Variants in ERBB4 observed in about 807,000 individuals in gnomAD.
The protein encoded by ERBB4 is erb-b2 receptor tyrosine kinase 4.
Under a neutral mutation model 158.0 loss-of-function variants are expected in ERBB4, and 42 were observed. The observed-to-expected ratio is 0.27, with a 90% CI of 0.21 to 0.34. The LOEUF (loss-of-function observed/expected upper bound fraction) is 0.34, where lower values mean the gene tolerates loss of function less well. ERBB4 is among the 10% of genes least tolerant of loss of function. The probability of loss-of-function intolerance (pLI) is 1.00; values close to 1 mark genes in which losing one functional copy is unlikely to be tolerated. For synonymous variants in ERBB4, 583 were observed against 558.7 expected, an observed-to-expected ratio of 1.04 and a Z score of -0.61; for missense variants, 1,333 against 1,624.1, an observed-to-expected ratio of 0.82 and a Z score of 3.08.
intron 9 of ERBB4, among the ~76,000 whole-genome samples, chr2:211,709,274 T>TATATATACATATATATATATACAC (rs1553615210): frequency 7.3e-6 from 1 of 136,556 alleles, no homozygotes; most frequent in African/African-American, 2.9e-5. Flanking sequence ...TATATATATA[T>TATATATACATATATATATATACAC]ACATACATAT....
intron 1 of ERBB4, among the ~76,000 whole-genome samples, chr2:212,281,860 A>C (rs2085770462): frequency 6.6e-6 from 1 of 151,834 alleles, no homozygotes; most frequent in Non-Finnish European, 1.5e-5. Context: ...TAATTTATGC[A>C]ACTCTGCTTC....
At chr2:212,457,523 C>T (rs986834371) in intron 1 of ERBB4, among the ~76,000 whole-genome samples, 2 of 152,048 alleles carry the variant, frequency 1.3e-5, no homozygotes, top group Admixed American at 6.6e-5. Flanking sequence ...ATGTTAATTG[C>T]TTTCTTGCTG....
At chr2:211,975,868 A>G (rs779503637) in intron 2 of ERBB4, among the ~76,000 whole-genome samples, 8 of 152,198 alleles carry the variant, frequency 5.3e-5, no homozygotes, top group Admixed American at 2.0e-4. Context: ...CAACCAAAAC[A>G]TTCCCTCAAG....
At position 212,373,659 on chromosome 2, in the gene ERBB4, T is replaced by C. The variant is rs536132286; in HGVS notation, c.82+164790A>G. 5.9e-4 allele frequency among the ~76,000 whole-genome samples: 88 copies of C among 149,480 alleles called. 1 individual carries two copies. The highest frequency in any genetic ancestry group is 1.0e-3 in the Non-Finnish European group (70 of 67,164). ...AGTTATAGTTCTATTTTATATGATA[T>C]GGTTGAAAGGTAATAAAACCAATGG... is the stretch of plus-strand genomic sequence containing the variant. On this transcript the variant is annotated intron_variant, in intron 1 of 27. Coordinates refer to ENST00000342788, the MANE Select transcript of ERBB4 (RefSeq NM_005235.3).
intron 1 of ERBB4, among the ~76,000 whole-genome samples, chr2:212,142,394 G>A (rs967239143): frequency 2.6e-5 from 4 of 151,706 alleles, no homozygotes; most frequent in Non-Finnish European, 5.9e-5. Context: ...ATGAATGACT[G>A]TTGATATTTT....
chr2:211,815,133 A>G (rs1240946440), intron 3 of ERBB4, among the ~76,000 whole-genome samples: 3 of 152,256 alleles, frequency 2.0e-5, no homozygotes, highest in Admixed American at 6.5e-5. Context: ...AAAGGAAAAA[A>G]TCAAGGTTGA....
At chr2:212,289,862 T>G (rs574616036) in intron 1 of ERBB4, among the ~76,000 whole-genome samples, 1 of 152,326 alleles carries the variant, frequency 6.6e-6, no homozygotes, top group African/African-American at 2.4e-5. Flanking sequence ...GAAATCTGTC[T>G]TGAATGTCAT....
intron 3 of ERBB4, among the ~76,000 whole-genome samples, chr2:211,819,550 T>C (rs774889789): frequency 1.3e-3 from 205 of 152,100 alleles, no homozygotes; most frequent in Non-Finnish European, 2.5e-3. Flanking sequence ...CTATTAGGAG[T>C]ATTTCTGCAT....
chr2:212,396,037 T>C (rs1220368404), intron 1 of ERBB4, among the ~76,000 whole-genome samples: 2 of 152,192 alleles, frequency 1.3e-5, no homozygotes, highest in Non-Finnish European at 2.9e-5. Context: ...CTGATGGTTT[T>C]ATGTGCTTTA....
intron 1 of ERBB4, among the ~76,000 whole-genome samples, chr2:212,339,956 A>G (rs2088624885): frequency 6.6e-6 from 1 of 152,132 alleles, no homozygotes; most frequent in African/African-American, 2.4e-5. Context: ...ACAAACAATG[A>G]TGATGCTGTC....
intron 3 of ERBB4, among the ~76,000 whole-genome samples, chr2:211,911,837 A>C (rs1331356585): frequency 3.6e-5 from 5 of 140,292 alleles, no homozygotes; most frequent in Non-Finnish European, 7.6e-5. Context: ...TTTTTTTTTG[A>C]GTTCTGTTGC....
intron 1 of ERBB4, among the ~76,000 whole-genome samples, chr2:212,229,925 T>C (rs1277358610): frequency 6.6e-6 from 1 of 152,120 alleles, no homozygotes; most frequent in Non-Finnish European, 1.5e-5. Flanking sequence ...AGAGGAAGAT[T>C]ATGACTGTTG....
chr2:211,647,977 G>C (rs1204347826), intron 16 of ERBB4, among the ~76,000 whole-genome samples: 5 of 151,552 alleles, frequency 3.3e-5, no homozygotes, highest in Non-Finnish European at 7.4e-5. Context: ...ACAAATTATG[G>C]AGTATTCTAA....
At chr2:211,690,326 T>A (rs960904027) in intron 12 of ERBB4, among the ~76,000 whole-genome samples, 7 of 152,120 alleles carry the variant, frequency 4.6e-5, no homozygotes, top group African/African-American at 1.2e-4. Flanking sequence ...TTACCTCTGC[T>A]AAAGGTGACA....
intron 1 of ERBB4, 29 bp downstream of exon 1, chr2:212,538,420 C>T: frequency 6.2e-7 from 1 of 1,607,646 alleles, no homozygotes; most frequent in Non-Finnish European, 8.5e-7. Context: ...GCTGCAGGTT[C>T]GGCGACCGGA....
At chr2:212,281,113 TA>T (rs139494169) in intron 1 of ERBB4, among the ~76,000 whole-genome samples, 2 of 151,830 alleles carry the variant, frequency 1.3e-5, no homozygotes, top group African/African-American at 2.4e-5. Flanking sequence ...TTTTTTTTTC[TA>T]AAAAACATAT....
intron 2 of ERBB4, among the ~76,000 whole-genome samples, chr2:212,019,755 C>T (rs79481053): frequency 0.24 from 12,483 of 51,142 alleles, 1,218 homozygotes; most frequent in African/African-American, 0.39. Context: ...AAGCAACATT[C>T]TGTAAAAAAA....
chr2:211,392,598 A>ACC (rs1162666862), intron 25 of ERBB4, among the ~76,000 whole-genome samples: 4 of 141,882 alleles, frequency 2.8e-5, no homozygotes, highest in Admixed American at 7.2e-5. Flanking sequence ...ACACACACAC[A>ACC]CACCCCAATA....
intron 1 of ERBB4, among the ~76,000 whole-genome samples, chr2:212,137,091 C>T (rs75844449): frequency 0.04 from 6,122 of 152,214 alleles, 184 homozygotes; most frequent in Middle Eastern, 0.099. Flanking sequence ...GTGGGTTGGT[C>T]TCTCTAAAAC....
Sources: allele counts gnomAD v4.1 joint callset (sites outside exome capture counted in the v4.1 genomes callset), GRCh38; gene constraint gnomAD v4.1.1; transcripts MANE v1.5; gene names NCBI Gene and HGNC (gene_info 2026-07-23, HGNC 2026-07-21).